FRMPD1: variants seen among roughly 807,000 people sequenced by gnomAD.
The protein encoded by FRMPD1 is FERM and PDZ domain containing 1, also known as FERM and PDZ domain-containing protein 1.
FRMPD1 carries 76 observed loss-of-function variants against 117.8 expected under a neutral mutation model. That is an observed-to-expected ratio of 0.65 (90% CI 0.54 to 0.78). The LOEUF (loss-of-function observed/expected upper bound fraction) is 0.78, where lower values mean the gene tolerates loss of function less well. Ranked by LOEUF, FRMPD1 falls within the 30% of genes least tolerant of loss-of-function variation. The pLI is 0.00. For missense variants in FRMPD1, 1,786 were observed against 1,964.5 expected, an observed-to-expected ratio of 0.91 and a Z score of 1.72; for synonymous variants, 783 against 770.4, an observed-to-expected ratio of 1.02 and a Z score of -0.27.
the FRMPD1 span, among the ~76,000 whole-genome samples, chr9:37,611,997 C>T: frequency 6.6e-6 from 1 of 152,162 alleles, no homozygotes; most frequent in South Asian, 2.1e-4. Flanking sequence ...ATTTCCTGAG[C>T]CCTCAGCTCA....
chr9:37,632,257 AT>A, the FRMPD1 span, among the ~76,000 whole-genome samples: 1 of 152,196 alleles, frequency 6.6e-6, no homozygotes, highest in Non-Finnish European at 1.5e-5. Flanking sequence ...CCTGTATTCA[AT>A]TTCCTAATAT....
chr9:37,603,686 T>C, the FRMPD1 span, among the ~76,000 whole-genome samples: 1 of 152,012 alleles, frequency 6.6e-6, no homozygotes, highest in Admixed American at 6.6e-5. Context: ...TTTTGTTTTG[T>C]TTTGTTTTTG....
chr9:37,632,487 T>C, the FRMPD1 span, among the ~76,000 whole-genome samples: 1 of 152,234 alleles, frequency 6.6e-6, no homozygotes, highest in Non-Finnish European at 1.5e-5. Flanking sequence ...TCAAGTGCTA[T>C]AGCTTTCTCT....
intron 1 of FRMPD1, among the ~76,000 whole-genome samples, chr9:37,655,496 CTTT>C (rs10615941): frequency 0.011 from 949 of 88,468 alleles, 14 homozygotes; most frequent in African/African-American, 0.043. Context: ...TGTCCCCACT[CTTT>C]TTTTTTTTTT....
At chr9:37,737,339 C>T (rs1448836335) in intron 14 of FRMPD1, 96 bp downstream of exon 14, 11 of 1,088,740 alleles carry the variant, frequency 1.0e-5, no homozygotes, top group African/African-American at 1.6e-5. Flanking sequence ...TGAATTGAGC[C>T]GAGGCTTCAG....
chr9:37,738,003 C>G (rs533457094), intron 14 of FRMPD1, among the ~76,000 whole-genome samples: 3 of 152,270 alleles, frequency 2.0e-5, no homozygotes, highest in South Asian at 4.1e-4. Context: ...AGGCCAGCTC[C>G]CAGTTTCTGC....
chr9:37,607,791 G>T, the FRMPD1 span, among the ~76,000 whole-genome samples: 1 of 152,212 alleles, frequency 6.6e-6, no homozygotes, highest in Non-Finnish European at 1.5e-5. Flanking sequence ...CATGGTTTAG[G>T]TTTTGATGTT....
the FRMPD1 span, among the ~76,000 whole-genome samples, chr9:37,627,043 C>T: frequency 6.1e-4 from 93 of 151,948 alleles, no homozygotes; most frequent in African/African-American, 9.4e-4. Context: ...ACTCCACCTT[C>T]GAGGCGATCT....
At position 37,739,579 on chromosome 9, in the gene FRMPD1, G is replaced by A. The variant is rs1824285763; in HGVS notation, c.1550-499G>A. Among the ~76,000 whole-genome samples the A allele has an allele frequency of 2.0e-5, 3 of 152,212 alleles. No individual in the cohort carries two copies. The South Asian group carries it at 6.2e-4, about 32-fold the overall frequency. ...AGAATGGTGCCAGCCTAGCAGCCTCGTACTCGTCATAAAATTGCTAAAAAT... is the reference window on the plus strand; with the variant it reads ...AGAATGGTGCCAGCCTAGCAGCCTCATACTCGTCATAAAATTGCTAAAAAT... On this transcript the variant is annotated intron_variant, in intron 14 of 15. Transcript: ENST00000377765.
chr9:37,687,924 G>A (rs1200111146), intron 1 of FRMPD1, among the ~76,000 whole-genome samples: 1 of 152,064 alleles, frequency 6.6e-6, no homozygotes. Flanking sequence ...AAAATACAAA[G>A]TGCAGACTAC....
At chr9:37,681,212 C>CAAAAAAAAA (rs72098221) in intron 1 of FRMPD1, among the ~76,000 whole-genome samples, 1 of 85,644 alleles carries the variant, frequency 1.2e-5, no homozygotes, top group Admixed American at 1.3e-4. Flanking sequence ...GACTCTGTCT[C>CAAAAAAAAA]AAAAAAAAAA....
the FRMPD1 span, among the ~76,000 whole-genome samples, chr9:37,615,652 A>G: frequency 2.8e-4 from 43 of 152,252 alleles, no homozygotes; most frequent in African/African-American, 6.7e-4. Flanking sequence ...TACTGACAAC[A>G]CTTTACAGCC....
chr9:37,657,559 G>T (rs1209107268), intron 1 of FRMPD1, among the ~76,000 whole-genome samples: 1 of 152,212 alleles, frequency 6.6e-6, no homozygotes, highest in Non-Finnish European at 1.5e-5. Context: ...TGATGTCTCT[G>T]TGGAGATACA....
At chr9:37,682,947 T>C (rs114136631) in intron 1 of FRMPD1, among the ~76,000 whole-genome samples, 2,726 of 152,298 alleles carry the variant, frequency 0.018, 39 homozygotes, top group Middle Eastern at 0.048. Flanking sequence ...TTTAGAATAT[T>C]CACAAAATTG....
intron 7 of FRMPD1, among the ~76,000 whole-genome samples, chr9:37,729,362 G>A (rs983295499): frequency 2.0e-4 from 26 of 127,488 alleles, no homozygotes; most frequent in African/African-American, 6.9e-4. Flanking sequence ...CAGCCTGGGT[G>A]ACAGCCTGGG....
chr9:37,608,940 C>A, the FRMPD1 span, among the ~76,000 whole-genome samples: 1 of 152,278 alleles, frequency 6.6e-6, no homozygotes, highest in East Asian at 1.9e-4. Flanking sequence ...CAACCGTGCT[C>A]CTGAATTCCT....
chr9:37,686,981 G>T (rs1156585512), intron 1 of FRMPD1, among the ~76,000 whole-genome samples: 1 of 152,178 alleles, frequency 6.6e-6, no homozygotes, highest in Non-Finnish European at 1.5e-5. Context: ...CTGGCTCTTA[G>T]ATCTAGTGGA....
intron 8 of FRMPD1, among the ~76,000 whole-genome samples, chr9:37,730,273 G>C (rs1490616692): frequency 2.0e-5 from 3 of 152,144 alleles, no homozygotes; most frequent in African/African-American, 7.2e-5. Flanking sequence ...GTTCCTGATG[G>C]CAGAATAGGG....
At chr9:37,639,461 A>G in the FRMPD1 span, among the ~76,000 whole-genome samples, 1 of 152,288 alleles carries the variant, frequency 6.6e-6, no homozygotes, top group Non-Finnish European at 1.5e-5. Context: ...GTTTGGCCCT[A>G]GAAGTTTTCT....
Sources: gnomAD v4.1 joint callset for allele counts (sites outside exome capture counted in the v4.1 genomes callset) on GRCh38, gnomAD v4.1.1 for gene constraint, MANE v1.5 for transcripts, NCBI Gene and HGNC (gene_info 2026-07-23, HGNC 2026-07-21) for gene names.